Variants in ST8SIA4 observed in about 807,000 individuals in gnomAD.
ST8SIA4 encodes CMP-N-acetylneuraminate-poly-alpha-2,8-sialyltransferase.
A neutral mutation model predicts 33.9 loss-of-function variants in ST8SIA4; 15 were observed. The observed-to-expected ratio is 0.44, with a 90% confidence interval of 0.30 to 0.68. The LOEUF (loss-of-function observed/expected upper bound fraction) is 0.68, where lower values mean the gene tolerates loss of function less well. ST8SIA4 is among the 30% of genes least tolerant of loss of function. The pLI is 0.10. For missense variants in ST8SIA4, 321 were observed against 428.0 expected (o/e 0.75, Z 2.21); for synonymous variants, 171 against 151.2 (o/e 1.13, Z -0.96).
At chr5:100,814,419 T>C (rs911304342) in intron 4 of ST8SIA4, among the ~76,000 whole-genome samples, 4 of 152,020 alleles carry the variant, frequency 2.6e-5, no homozygotes, top group Non-Finnish European at 4.4e-5. Context: ...TTTGTGATAT[T>C]TGATTTGCAA....
At chr5:100,872,028 T>C (rs1357354489) in intron 3 of ST8SIA4, among the ~76,000 whole-genome samples, 1 of 152,048 alleles carries the variant, frequency 6.6e-6, no homozygotes, top group Non-Finnish European at 1.5e-5. Context: ...AATTTTGAAA[T>C]TCAGTGTTTT....
At chr5:100,850,785 A>G (rs887136471) in intron 4 of ST8SIA4, among the ~76,000 whole-genome samples, 3 of 110,834 alleles carry the variant, frequency 2.7e-5, no homozygotes, top group East Asian at 3.3e-4. Context: ...GTAGATGTGT[A>G]TATATATATA....
intron 3 of ST8SIA4, among the ~76,000 whole-genome samples, chr5:100,862,543 C>A (rs927671994): frequency 6.6e-6 from 1 of 151,820 alleles, no homozygotes; most frequent in African/African-American, 2.4e-5. Flanking sequence ...GGATTACAGG[C>A]GCCCCCCACC....
chr5:100,862,392 ATTTC>A (rs1751965592), intron 3 of ST8SIA4, among the ~76,000 whole-genome samples: 1 of 151,940 alleles, frequency 6.6e-6, no homozygotes, highest in Non-Finnish European at 1.5e-5. Context: ...TAAAATATTT[ATTTC>A]TTTATTTCTT....
At chr5:100,817,951 T>C (rs921896815) in intron 4 of ST8SIA4, among the ~76,000 whole-genome samples, 3 of 152,132 alleles carry the variant, frequency 2.0e-5, no homozygotes, top group Non-Finnish European at 2.9e-5. Flanking sequence ...AAGAATAATT[T>C]ATTGAGAGTA....
At chr5:100,900,408 A>G (rs1464711404) in intron 1 of ST8SIA4, 4 of 456,118 alleles carry the variant, frequency 8.8e-6, no homozygotes, top group African/African-American at 2.0e-5. Context: ...TTGGGTAGAA[A>G]GACAGTCAAT....
At chr5:100,824,959 G>A (rs938257551) in intron 4 of ST8SIA4, among the ~76,000 whole-genome samples, 1 of 151,978 alleles carries the variant, frequency 6.6e-6, no homozygotes, top group African/African-American at 2.4e-5. Flanking sequence ...TATTGGAGAG[G>A]CAGAGGTGGG....
chr5:100,827,454 A>T (rs1751170108), intron 4 of ST8SIA4, among the ~76,000 whole-genome samples: 1 of 152,218 alleles, frequency 6.6e-6, no homozygotes, highest in Non-Finnish European at 1.5e-5. Context: ...TCACTTGCAC[A>T]CATCTGCATA....
chr5:100,897,597 A>C (rs1752806468), intron 1 of ST8SIA4, among the ~76,000 whole-genome samples: 5 of 152,180 alleles, frequency 3.3e-5, no homozygotes, highest in Admixed American at 3.3e-4. Flanking sequence ...CAATGGAAAC[A>C]TTGCCTGTGT....
chr5:100,835,471 A>G (rs1319662460), intron 4 of ST8SIA4, among the ~76,000 whole-genome samples: 1 of 152,158 alleles, frequency 6.6e-6, no homozygotes, highest in East Asian at 1.9e-4. Context: ...AAAATGTGTA[A>G]TGCTATTAAA....
chr5:100,860,023 C>T (rs930320727), intron 3 of ST8SIA4, among the ~76,000 whole-genome samples: 1 of 152,040 alleles, frequency 6.6e-6, no homozygotes, highest in East Asian at 1.9e-4. Context: ...AATTCTACAA[C>T]GTATTGTATG....
At position 100,809,881 on chromosome 5, in the gene ST8SIA4, T is replaced by C. The variant is rs1362873303; in HGVS notation, c.*1966A>G. The C allele has an allele frequency of 1.3e-5, 2 of 152,052 alleles. No individual in the cohort carries two copies. The highest frequency in any genetic ancestry group is 2.9e-5 in the Non-Finnish European group (2 of 68,002). 9.4% of individuals were successfully genotyped at this position (152,052 alleles called of 1,614,324 possible). ...GATGTAATATTCTATATCCCAAGGT[T>C]TTACTATATTAAAAAAATATGACAT... On this transcript the variant is annotated 3_prime_UTR_variant, in exon 5 of 5. Coordinates refer to ENST00000231461, the MANE Select transcript of ST8SIA4 (RefSeq NM_005668.6).
At chr5:100,900,364 TACTCAAA>T (rs946926533) in intron 1 of ST8SIA4, 27 of 454,998 alleles carry the variant, frequency 5.9e-5, no homozygotes, top group African/African-American at 4.0e-4. Context: ...CATTCCAGTT[TACTCAAA>T]ACTCAAAACT....
intron 4 of ST8SIA4, among the ~76,000 whole-genome samples, chr5:100,851,677 T>C (rs1173529888): frequency 6.6e-6 from 1 of 152,068 alleles, no homozygotes; most frequent in Non-Finnish European, 1.5e-5. Flanking sequence ...TATCTGTCTA[T>C]CTATAGGTTT....
chr5:100,879,817 T>A (rs1205334153), intron 3 of ST8SIA4, among the ~76,000 whole-genome samples: 1 of 152,150 alleles, frequency 6.6e-6, no homozygotes, highest in Non-Finnish European at 1.5e-5. Context: ...TATATGTTTC[T>A]CCATGAAAGA....
chr5:100,829,897 G>A (rs1354213523), intron 4 of ST8SIA4, among the ~76,000 whole-genome samples: 1 of 138,206 alleles, frequency 7.2e-6, no homozygotes, highest in Non-Finnish European at 1.5e-5. Flanking sequence ...GACAGAGCGA[G>A]ACTCCGTCTC....
rs759789134 is a variant in ST8SIA4 at position 100,895,763 on chromosome 5, G to A, written c.136C>T (p.Arg46Trp). The A allele has an allele frequency of 2.5e-6, 4 of 1,612,134 alleles. No homozygotes were observed. The highest frequency in any genetic ancestry group is 1.1e-5 in the South Asian group (1 of 90,876). Reference protein sequence around the residue: ...LIGDGELSLSRSLVNSSDKII... With the variant: ...LIGDGELSLSWSLVNSSDKII... ...TTATCAGAGCTATTGACAAGTGACC[G>A]ACTCAAAGACAATTCACCATCTCTG... Residue 46 changes from arginine (R) to tryptophan (W), a missense_variant, in exon 2 of 5, where the codon CGG becomes TGG. Arg to Trp is a moderately radical substitution (Grantham distance 101). Transcript: ENST00000231461.
At chr5:100,823,067 G>C (rs1270297642) in intron 4 of ST8SIA4, among the ~76,000 whole-genome samples, 8 of 152,132 alleles carry the variant, frequency 5.3e-5, no homozygotes, top group South Asian at 2.1e-4. Context: ...GGAGGCAGAG[G>C]TTGCACTGAG....
At chr5:100,891,576 T>C (rs530682876) in intron 2 of ST8SIA4, among the ~76,000 whole-genome samples, 1 of 152,150 alleles carries the variant, frequency 6.6e-6, no homozygotes, top group African/African-American at 2.4e-5. Flanking sequence ...GGCAAAATTG[T>C]CCCACAATAT....
Sources: allele counts gnomAD v4.1 joint callset (sites outside exome capture counted in the v4.1 genomes callset), GRCh38; gene constraint gnomAD v4.1.1; transcripts MANE v1.5; gene names NCBI Gene and HGNC (gene_info 2026-07-23, HGNC 2026-07-21).